LRRK2: variants seen among roughly 807,000 people sequenced by gnomAD.
LRRK2 encodes the protein leucine rich repeat kinase 2.
LRRK2 carries 203 observed loss-of-function variants against 302.6 expected under a neutral mutation model. The ratio of observed to expected loss-of-function variants is 0.67; its 90% CI spans 0.60 to 0.75. The LOEUF (loss-of-function observed/expected upper bound fraction) is 0.75. LRRK2 is among the 30% of genes least tolerant of loss of function. The pLI is 0.00. For synonymous variants in LRRK2, 1,066 were observed against 1,031.9 expected, an observed-to-expected ratio of 1.03 and a Z score of -0.63; for missense variants, 2,830 against 2,951.0, an observed-to-expected ratio of 0.96 and a Z score of 0.95.
intron 47 of LRRK2, among the ~76,000 whole-genome samples, chr12:40,361,743 A>C (rs1946715337): frequency 6.6e-6 from 1 of 152,070 alleles, no homozygotes; most frequent in Admixed American, 6.6e-5. Flanking sequence ...AAACACTTAA[A>C]TATAAATATT....
Position 40,319,969 on chromosome 12 carries a change from T to C in LRRK2, c.4828-19T>C. On this transcript the variant is annotated intron_variant, in intron 33 of 50. Coordinates refer to ENST00000298910, the MANE Select transcript of LRRK2 (RefSeq NM_198578.4). ...CAGAAAATAAATTTTAGTGATTATT[T>C]ATGACTCGAATCTTTCAGATTTTGA... is the stretch of plus-strand genomic sequence containing the variant. 6.2e-7 allele frequency: 1 copy of C among 1,600,056 alleles called. No individual in the cohort carries two copies.
intron 42 of LRRK2, 117 bp downstream of exon 42, chr12:40,347,040 G>A: frequency 6.4e-6 from 5 of 779,112 alleles, no homozygotes; most frequent in Non-Finnish European, 7.9e-6. Context: ...TTTTTGTTTA[G>A]TGCATAAATA....
rs1185274608 is a variant in LRRK2, at chr12:40,274,716, C to T, written c.1790C>T (p.Pro597Leu). 2 of 1,613,998 alleles carry T rather than the reference C, an allele frequency of 1.2e-6. No homozygotes were observed. The highest frequency in any genetic ancestry group is 3.3e-5 in the Admixed American group (2 of 60,026). Reference sequence around the variant, plus strand: ...GTGCTTCACACACTGCAGATGTATCCAGATGACCAAGGTCAGTACAATTTG... The same window carrying T: ...GTGCTTCACACACTGCAGATGTATCTAGATGACCAAGGTCAGTACAATTTG... Reference protein sequence around the residue: ...DSVLHTLQMYPDDQEIQCLGL... With the variant: ...DSVLHTLQMYLDDQEIQCLGL... The change falls in exon 15 of 51, where the codon CCA becomes CTA. Residue 597 changes from proline to leucine, a missense_variant. This residue lies in a region of LRRK2 where 2,121 missense variants were observed against 2,148.0 expected (regional missense o/e 0.99). Transcript: ENST00000298910.
Position 40,308,635 on chromosome 12 carries a change from G to A in LRRK2, c.4128G>A (p.Trp1376Ter), listed in dbSNP as rs2136815435. The A allele has an allele frequency of 1.2e-6, 2 of 1,613,932 alleles. No individual in the cohort carries two copies. Among genetic ancestry groups the A allele is most frequent in the Non-Finnish European group, 1.7e-6 (2 of 1,179,942 alleles). Residue 1376 changes from tryptophan to a stop codon, truncating the protein, a stop_gained, in exon 29 of 51, where the codon TGG (tryptophan) becomes TGA (stop). Coordinates refer to ENST00000298910, the MANE Select transcript of LRRK2 (RefSeq NM_198578.4). LOFTEE classifies it high-confidence loss of function. Reference protein sequence around the residue: ...SATVGIDVKDWPIQIRDKRKR... With the variant: ...SATVGIDVKD ...CAGTTGGCATAGATGTGAAAGACTG[G>A]CCTATCCAAATAAGAGACAAAAGAA... is the stretch of plus-strand genomic sequence containing the variant.
intron 24 of LRRK2, 108 bp from the exon 25 acceptor site, chr12:40,299,001 A>T: frequency 9.8e-7 from 1 of 1,025,172 alleles, no homozygotes; most frequent in Non-Finnish European, 1.4e-6. Context: ...TTTTAAATTA[A>T]TGAGTCCTCT....
intron 13 of LRRK2, among the ~76,000 whole-genome samples, chr12:40,261,712 C>T (rs1053518702): frequency 6.6e-6 from 1 of 152,062 alleles, no homozygotes; most frequent in African/African-American, 2.4e-5. Flanking sequence ...CTGGTTTGAA[C>T]ATGTTAAGTT....
At chr12:40,269,031 A>G (rs775302995) in intron 14 of LRRK2, among the ~76,000 whole-genome samples, 1 of 152,202 alleles carries the variant, frequency 6.6e-6, no homozygotes, top group Non-Finnish European at 1.5e-5. Flanking sequence ...GTATATGTAC[A>G]TATTAAAAGT....
chr12:40,266,292 C>A (rs11175787), intron 14 of LRRK2, among the ~76,000 whole-genome samples: 63,128 of 151,730 alleles, frequency 0.42, 13,578 homozygotes, highest in South Asian at 0.55. Flanking sequence ...CAATGAACTC[C>A]AACAAATTTA....
At chr12:40,236,929 A>C (rs1269763471) in intron 4 of LRRK2, among the ~76,000 whole-genome samples, 1 of 152,132 alleles carries the variant, frequency 6.6e-6, no homozygotes, top group East Asian at 1.9e-4. Context: ...AATATGAAAA[A>C]TCTACCAACA....
At chr12:40,301,001 C>CATACCT in intron 25 of LRRK2, 1 of 467,828 alleles carries the variant, frequency 2.1e-6, no homozygotes, top group Non-Finnish European at 4.4e-6. Flanking sequence ...ATACCTAGGA[C>CATACCT]AGGTATGACC....
At chr12:40,298,544 TA>T in intron 24 of LRRK2, 51 bp downstream of exon 24, 1 of 1,598,404 alleles carries the variant, frequency 6.3e-7, no homozygotes, top group Non-Finnish European at 8.6e-7. Context: ...ATGCTGATGT[TA>T]ACAAAATATG....
chr12:40,315,386 T>C (rs1945184220), intron 33 of LRRK2, 86 bp downstream of exon 33: 1 of 1,124,716 alleles, frequency 8.9e-7, no homozygotes, highest in Non-Finnish European at 1.4e-6. Flanking sequence ...TTTTAGAATT[T>C]GGGTTTAGTT....
At chr12:40,254,018 A>G (rs935284348) in intron 11 of LRRK2, among the ~76,000 whole-genome samples, 5 of 152,186 alleles carry the variant, frequency 3.3e-5, no homozygotes, top group Admixed American at 2.0e-4. Context: ...TTATGAAGAG[A>G]AAAATGGCTT....
At chr12:40,360,607 T>G (rs1202023217) in intron 47 of LRRK2, among the ~76,000 whole-genome samples, 4 of 152,120 alleles carry the variant, frequency 2.6e-5, no homozygotes, top group African/African-American at 9.7e-5. Flanking sequence ...TTCTAAAATG[T>G]ACATCAATCT....
At position 40,359,327 on chromosome 12, in the gene LRRK2, G is replaced by A; in HGVS notation, c.6911G>A (p.Ser2304Asn). The change falls in exon 47 of 51, where the codon AGT becomes AAT. Residue 2304 changes from serine (S) to asparagine (N), a missense_variant. By Grantham distance (46) the Ser-to-Asn change is conservative. This residue lies in a region of LRRK2 where 456 missense variants were observed against 456.3 expected (regional missense o/e 1.00). Transcript: ENST00000298910. ...GNVSTPLMCL[S>N]ESTNSTERNV... ...GTCAGTACTCCATTGATGTGTTTGA[G>A]TGAATCCACAAATTCAACGGAAAGA... 6.2e-7 allele frequency: 1 copy of A among 1,613,084 alleles called. No homozygotes were observed. Among genetic ancestry groups the A allele is most frequent in the Non-Finnish European group, 8.5e-7 (1 of 1,179,496 alleles).
intron 40 of LRRK2, among the ~76,000 whole-genome samples, chr12:40,336,130 C>G (rs1945862796): frequency 6.6e-6 from 1 of 152,132 alleles, no homozygotes; most frequent in Admixed American, 6.5e-5. Flanking sequence ...TACCCCTCCC[C>G]TGCCTTATTT....
At chr12:40,348,546 A>T in intron 43 of LRRK2, 37 bp downstream of exon 43, 1 of 1,297,772 alleles carries the variant, frequency 7.7e-7, no homozygotes, top group East Asian at 2.3e-5. Flanking sequence ...TGTACAGAAC[A>T]TCATTTGCAT....
chr12:40,259,532 A>G lies in LRRK2; in HGVS notation c.1471A>G (p.Met491Val). 6.2e-7 allele frequency: 1 copy of G among 1,613,450 alleles called. No homozygotes were observed. Among genetic ancestry groups the G allele is most frequent in the Non-Finnish European group, 8.5e-7 (1 of 1,179,536 alleles). The change falls in exon 13 of 51, where the codon ATG becomes GTG. Residue 491 changes from methionine (M) to valine (V), a missense_variant. By Grantham distance (21) the Met-to-Val change is conservative. This residue lies in a region of LRRK2 where 2,121 missense variants were observed against 2,148.0 expected (regional missense o/e 0.99). Coordinates refer to ENST00000298910, the MANE Select transcript of LRRK2 (RefSeq NM_198578.4). ...AGTGGTCCCCAAAATACTAACAGTTATGAAACGTCATGAGACATCATTACC... is the reference window on the plus strand; with the variant it reads ...AGTGGTCCCCAAAATACTAACAGTTGTGAAACGTCATGAGACATCATTACC... ...AAVVPKILTVMKRHETSLPVQ... is the reference protein window; with the variant it reads ...AAVVPKILTVVKRHETSLPVQ...
chr12:40,367,336 A>ACATTTATCTTTTTACACATTTAC (rs1946909473), intron 50 of LRRK2: 2 of 453,726 alleles, frequency 4.4e-6, no homozygotes, highest in South Asian at 6.4e-5. Context: ...TATTTTTTAC[A>ACATTTATCTTTTTACACATTTAC]ACTTATCTAT....
Sources: allele counts gnomAD v4.1 joint callset (sites outside exome capture counted in the v4.1 genomes callset), GRCh38; gene constraint gnomAD v4.1.1; regional missense constraint gnomAD v4.1.1; transcripts MANE v1.5; gene names NCBI Gene and HGNC (gene_info 2026-07-23, HGNC 2026-07-21).